Variants in RHEX observed in about 807,000 individuals in gnomAD.
RHEX encodes the protein regulator of hemoglobinization and erythroid cell expansion.
In RHEX, 18 loss-of-function variants were observed where a neutral mutation model predicts 20.1. The observed-to-expected ratio is 0.90, with a 90% confidence interval of 0.62 to 1.33. The LOEUF is 1.33. Among genes scored for constraint, RHEX ranks in the 40% most tolerant of loss-of-function variants. RHEX has a pLI of 0.00. For synonymous variants in RHEX, 87 were observed against 77.1 expected (o/e 1.13, Z -0.67); for missense variants, 192 against 214.3 (o/e 0.90, Z 0.65).
chr1:206,053,523 G>C (rs1553282088), intron 1 of RHEX, among the ~76,000 whole-genome samples: 1 of 152,318 alleles, frequency 6.6e-6, no homozygotes, highest in South Asian at 2.1e-4. Context: ...TGTGTGTGGT[G>C]TGGGTGTGGT....
intron 1 of RHEX, among the ~76,000 whole-genome samples, chr1:206,093,683 C>CTTTTTTTTTTTTTTTTTTTTT (rs1663006798): frequency 6.6e-6 from 1 of 152,120 alleles, no homozygotes; most frequent in Admixed American, 6.5e-5. Flanking sequence ...AAGTGGGCAT[C>CTTTTTTTTTTTTTTTTTTTTT]TTTTTATTCT....
chr1:206,094,263 C>A (rs1297127396), intron 1 of RHEX, among the ~76,000 whole-genome samples: 1 of 152,060 alleles, frequency 6.6e-6, no homozygotes, highest in South Asian at 2.1e-4. Flanking sequence ...TGCAATTAGA[C>A]CCCAAGGAAC....
chr1:206,099,646 C>T lies in RHEX; in HGVS notation c.113-9C>T, dbSNP rs1553288141. ...TTTCCACTTTTGATCCCTGCCCTCT[C>T]CCTTCCAGCCCACAAGAGTGAACAG... is the stretch of plus-strand genomic sequence containing the variant. On this transcript the variant is annotated splice_polypyrimidine_tract_variant and intron_variant, in intron 3 of 5. Coordinates refer to ENST00000331555, the MANE Select transcript of RHEX (RefSeq NM_001007544.4). 1 of 1,613,406 alleles carries T rather than the reference C, an allele frequency of 6.2e-7. No homozygotes were observed. Among genetic ancestry groups the T allele is most frequent in the Admixed American group, 1.7e-5 (1 of 59,960 alleles).
chr1:206,067,981 T>G lies in RHEX; in HGVS notation c.-97+14716T>G, dbSNP rs1662461142. On this transcript the variant is annotated intron_variant, in intron 1 of 5. Transcript: ENST00000331555. The surrounding 1 kb of genome is among the most constrained non-coding windows in gnomAD (Gnocchi z 4.6). Reference sequence around the variant, plus strand: ...GAAAATACGTACTCCATGGCTCCATTCCACTTACGGGGACTGGAGTGGGGA... The same window carrying G: ...GAAAATACGTACTCCATGGCTCCATGCCACTTACGGGGACTGGAGTGGGGA... Among the ~76,000 whole-genome samples, 1 of 152,198 alleles carries G rather than the reference T, an allele frequency of 6.6e-6. No individual in the cohort carries two copies. The highest frequency in any genetic ancestry group is 1.5e-5 in the Non-Finnish European group (1 of 68,026).
intron 5 of RHEX, 66 bp from the exon 6 acceptor site, chr1:206,101,686 C>T: frequency 8.0e-7 from 1 of 1,245,902 alleles, no homozygotes; most frequent in Non-Finnish European, 1.1e-6. Context: ...GAGTTCAGTC[C>T]TGGGGTCTTA....
intron 1 of RHEX, among the ~76,000 whole-genome samples, chr1:206,078,252 G>A (rs546533019): frequency 5.0e-4 from 76 of 152,120 alleles, no homozygotes; most frequent in African/African-American, 1.6e-3. Flanking sequence ...TTAAAGTTAC[G>A]TAACAGGCTG....
At chr1:206,076,545 G>A (rs1372303149) in intron 1 of RHEX, among the ~76,000 whole-genome samples, 1 of 152,228 alleles carries the variant, frequency 6.6e-6, no homozygotes, top group Non-Finnish European at 1.5e-5. Flanking sequence ...CGGACTGGAT[G>A]ACAACTGCAA....
At chr1:206,066,749 T>C (rs1413313658) in intron 1 of RHEX, among the ~76,000 whole-genome samples, 2 of 152,182 alleles carry the variant, frequency 1.3e-5, no homozygotes, top group Non-Finnish European at 2.9e-5. Flanking sequence ...ACATATTCAG[T>C]AGGTTATAGG....
intron 5 of RHEX, 140 bp from the exon 6 acceptor site, chr1:206,101,612 C>T: frequency 3.0e-6 from 2 of 669,674 alleles, no homozygotes; most frequent in East Asian, 2.7e-5. Flanking sequence ...CTGGACTGCT[C>T]CCAGACACAG....
At chr1:206,094,625 A>C (rs1663029930) in intron 1 of RHEX, among the ~76,000 whole-genome samples, 1 of 152,228 alleles carries the variant, frequency 6.6e-6, no homozygotes, top group South Asian at 2.1e-4. Context: ...TTCAATAATT[A>C]ACATCTAGAA....
chr1:206,088,551 T>C (rs889677766), intron 1 of RHEX, among the ~76,000 whole-genome samples: 10 of 152,092 alleles, frequency 6.6e-5, no homozygotes, highest in Admixed American at 3.3e-4. Context: ...GGCACGGTGC[T>C]GCACACCTGT....
intron 1 of RHEX, among the ~76,000 whole-genome samples, chr1:206,084,880 G>A (rs925568598): frequency 2.0e-5 from 3 of 152,106 alleles, no homozygotes; most frequent in Non-Finnish European, 2.9e-5. Flanking sequence ...AGCCAGCACT[G>A]GCCCTGAATC....
At chr1:206,084,676 G>A (rs1472213303) in intron 1 of RHEX, among the ~76,000 whole-genome samples, 7 of 152,164 alleles carry the variant, frequency 4.6e-5, no homozygotes, top group Admixed American at 2.6e-4. Context: ...GTGAGCTTTG[G>A]CAAACTACCC....
Position 206,081,307 on chromosome 1 carries a change from A to G in RHEX, c.-96-16426A>G, listed in dbSNP as rs536344370. 3.9e-5 allele frequency among the ~76,000 whole-genome samples: 6 copies of G among 152,356 alleles called. No individual in the cohort carries two copies. In the South Asian group the frequency reaches 1.2e-3, roughly 32 times the overall value. On this transcript the variant is annotated intron_variant, in intron 1 of 5. Coordinates refer to ENST00000331555, the MANE Select transcript of RHEX (RefSeq NM_001007544.4). ...AGGCACAATCCCGGCTGGTGGGGATACAGAGAACAAGACAGACTTCAATAA... is the reference window on the plus strand; with the variant it reads ...AGGCACAATCCCGGCTGGTGGGGATGCAGAGAACAAGACAGACTTCAATAA...
intron 1 of RHEX, among the ~76,000 whole-genome samples, chr1:206,063,723 G>T (rs1398072216): frequency 6.6e-6 from 1 of 152,246 alleles, no homozygotes; most frequent in African/African-American, 2.4e-5. Context: ...GAGTGCAGTG[G>T]CGTGATCTCG....
Position 206,076,497 on chromosome 1 carries a change from C to T in RHEX, c.-96-21236C>T, listed in dbSNP as rs151209336. Among the ~76,000 whole-genome samples the T allele has an allele frequency of 1.9e-4, 29 of 152,348 alleles. No homozygotes were observed. In the East Asian group the frequency reaches 5.6e-3, roughly 29 times the overall value. On this transcript the variant is annotated intron_variant, in intron 1 of 5. Transcript: ENST00000331555. ...CATCTTTTATGCTTGGTTTCATAAA[C>T]CTTTTGTACCAGAGGCTCACGCCCA... is the stretch of plus-strand genomic sequence containing the variant.
rs1030623999 is a variant in RHEX at position 206,057,706 on chromosome 1, C to T, written c.-97+4441C>T. Among the ~76,000 whole-genome samples the T allele has an allele frequency of 2.0e-5, 3 of 152,370 alleles. No homozygotes were observed. The East Asian group carries it at 5.8e-4, about 29-fold the overall frequency. On this transcript the variant is annotated intron_variant, in intron 1 of 5. Transcript: ENST00000331555. ...AGTGCCCATAAAAACAGGTAAACTT[C>T]TGGGCTTCCCAGTCTGTGCTTCCTG...
intron 4 of RHEX, among the ~76,000 whole-genome samples, chr1:206,100,893 G>A (rs1553288295): frequency 6.6e-6 from 1 of 152,066 alleles, no homozygotes; most frequent in African/African-American, 2.4e-5. Context: ...GCAGTGCTTG[G>A]CCTCTTGGAC....
chr1:206,074,944 C>G (rs1359130952), intron 1 of RHEX, among the ~76,000 whole-genome samples: 4 of 152,182 alleles, frequency 2.6e-5, no homozygotes, highest in Non-Finnish European at 5.9e-5. Flanking sequence ...AATAACAGGG[C>G]CAGACGTGTT....
Sources: gnomAD v4.1 joint callset for allele counts (sites outside exome capture counted in the v4.1 genomes callset) on GRCh38, gnomAD v4.1.1 for gene constraint, Gnocchi (gnomAD v3.1) non-coding constraint, MANE v1.5 for transcripts, NCBI Gene and HGNC (gene_info 2026-07-23, HGNC 2026-07-21) for gene names.